SLC25A48: variants seen among roughly 807,000 people sequenced by gnomAD.
SLC25A48 encodes CTC-321K16.1.
SLC25A48 carries 29 observed loss-of-function variants against 32.2 expected under a neutral mutation model. The ratio of observed to expected loss-of-function variants is 0.90; its 90% CI spans 0.67 to 1.23. SLC25A48 has a LOEUF of 1.23. SLC25A48 is among the 50% of genes most tolerant of loss of function. The pLI is 0.00. For missense variants in SLC25A48, 399 were observed against 422.7 expected, an observed-to-expected ratio of 0.94 and a Z score of 0.49; for synonymous variants, 164 against 172.3, an observed-to-expected ratio of 0.95 and a Z score of 0.38.
intron 6 of SLC25A48, chr5:135,876,061 G>C (rs1451899871): frequency 1.3e-5 from 2 of 148,270 alleles, no homozygotes; most frequent in Non-Finnish European, 3.0e-5. Flanking sequence ...AACAAGAGCT[G>C]CTCTGACAGA....
At chr5:135,599,866 G>A (rs1751746312) in intron 1 of SLC25A48, among the ~76,000 whole-genome samples, 1 of 152,182 alleles carries the variant, frequency 6.6e-6, no homozygotes, top group Non-Finnish European at 1.5e-5. Context: ...GGATGGGGCT[G>A]CCTCCCCAGA....
intron 3 of SLC25A48, among the ~76,000 whole-genome samples, chr5:135,644,088 G>T (rs961419028): frequency 1.3e-5 from 2 of 152,116 alleles, no homozygotes; most frequent in African/African-American, 4.8e-5. Context: ...GGCCAAGGAG[G>T]TTATTCAAAT....
At chr5:135,653,183 A>C (rs1200154817) in intron 3 of SLC25A48, among the ~76,000 whole-genome samples, 1 of 152,174 alleles carries the variant, frequency 6.6e-6, no homozygotes, top group Non-Finnish European at 1.5e-5. Flanking sequence ...TTTATAAATT[A>C]CTCAGTTTCA....
intron 3 of SLC25A48, among the ~76,000 whole-genome samples, chr5:135,691,148 T>C (rs1039078137): frequency 2.0e-5 from 3 of 152,174 alleles, no homozygotes; most frequent in African/African-American, 7.2e-5. Context: ...TCAGCCCAAA[T>C]TGGCAAGAAT....
chr5:135,816,141 CCTCA>C (rs556061724), intron 4 of SLC25A48, among the ~76,000 whole-genome samples: 26 of 152,174 alleles, frequency 1.7e-4, no homozygotes, highest in Non-Finnish European at 3.5e-4. Context: ...GTAAGAACTC[CCTCA>C]CTATCACAAG....
chr5:135,604,113 C>T (rs893120278), intron 1 of SLC25A48, among the ~76,000 whole-genome samples: 5 of 152,208 alleles, frequency 3.3e-5, no homozygotes, highest in African/African-American at 1.2e-4. Flanking sequence ...TTATTATGCC[C>T]TCTGTGCAGG....
At chr5:135,836,516 A>G (rs1476225088) in intron 1 of SLC25A48, among the ~76,000 whole-genome samples, 1 of 152,218 alleles carries the variant, frequency 6.6e-6, no homozygotes, top group Non-Finnish European at 1.5e-5. Flanking sequence ...TTTCAAATGT[A>G]CAATTCAATG....
intron 3 of SLC25A48, among the ~76,000 whole-genome samples, chr5:135,748,014 C>G (rs1015485584): frequency 6.6e-6 from 1 of 152,166 alleles, no homozygotes; most frequent in Non-Finnish European, 1.5e-5. Flanking sequence ...AGTTAGATTC[C>G]AGACTGACCT....
chr5:135,859,184 A>G (rs555681156), intron 4 of SLC25A48, among the ~76,000 whole-genome samples: 1 of 152,258 alleles, frequency 6.6e-6, no homozygotes, highest in East Asian at 1.9e-4. Flanking sequence ...AGACTGGGTA[A>G]TTCATAAAGA....
At chr5:135,790,673 C>T (rs1321498103) in intron 3 of SLC25A48, among the ~76,000 whole-genome samples, 1 of 129,060 alleles carries the variant, frequency 7.7e-6, no homozygotes, top group Non-Finnish European at 1.7e-5. Context: ...TTTGTAATAT[C>T]CTCTGGTGAT....
intron 1 of SLC25A48, among the ~76,000 whole-genome samples, chr5:135,840,544 G>A (rs538438697): frequency 6.6e-6 from 1 of 152,316 alleles, no homozygotes; most frequent in Admixed American, 6.5e-5. Flanking sequence ...CAAAGAAGAT[G>A]CTGTACGCTT....
upstream of SLC25A48, among the ~76,000 whole-genome samples, chr5:135,831,738 C>T (rs143928327): frequency 4.0e-4 from 61 of 152,348 alleles, no homozygotes; most frequent in Non-Finnish European, 7.8e-4. Context: ...CTGAGCTACA[C>T]ACAACACACT....
At chr5:135,599,159 C>T (rs1250325541) in intron 1 of SLC25A48, among the ~76,000 whole-genome samples, 2 of 152,138 alleles carry the variant, frequency 1.3e-5, no homozygotes, top group Non-Finnish European at 2.9e-5. Context: ...ACCAACTCAT[C>T]CCTCAGCCCA....
chr5:135,761,919 G>T (rs73789140), intron 3 of SLC25A48, among the ~76,000 whole-genome samples: 1 of 152,152 alleles, frequency 6.6e-6, no homozygotes, highest in Non-Finnish European at 1.5e-5. Flanking sequence ...CCTGGAACCT[G>T]CCCAGATTGT....
intron 3 of SLC25A48, among the ~76,000 whole-genome samples, chr5:135,798,020 A>G (rs562707664): frequency 5.4e-4 from 82 of 152,052 alleles, no homozygotes; most frequent in Non-Finnish European, 8.4e-4. Context: ...CAGAGGGTGT[A>G]CACCCTCCCG....
chr5:135,609,924 T>C (rs1034854939), intron 1 of SLC25A48, among the ~76,000 whole-genome samples: 5 of 152,242 alleles, frequency 3.3e-5, no homozygotes, highest in African/African-American at 1.2e-4. Context: ...TAATTGCACA[T>C]CTATTTTTAC....
chr5:135,738,819 T>A (rs926545292), intron 3 of SLC25A48, among the ~76,000 whole-genome samples: 1 of 152,194 alleles, frequency 6.6e-6, no homozygotes, highest in Non-Finnish European at 1.5e-5. Flanking sequence ...CAGTGGCTCA[T>A]ATTTGTAATC....
At chr5:135,765,263 C>G (rs933192166) in intron 3 of SLC25A48, among the ~76,000 whole-genome samples, 22 of 151,228 alleles carry the variant, frequency 1.5e-4, no homozygotes, top group African/African-American at 5.1e-4. Flanking sequence ...TGTGTACACC[C>G]CCCTGTGATA....
intron 5 of SLC25A48, among the ~76,000 whole-genome samples, chr5:135,873,544 G>A (rs943135708): frequency 6.6e-6 from 1 of 152,176 alleles, no homozygotes; most frequent in Non-Finnish European, 1.5e-5. Flanking sequence ...GCTTCTCTGT[G>A]TTTAGAGTAA....
Sources: allele counts gnomAD v4.1 joint callset (sites outside exome capture counted in the v4.1 genomes callset), GRCh38; gene constraint gnomAD v4.1.1; transcripts MANE v1.5; gene names NCBI Gene and HGNC (gene_info 2026-07-23, HGNC 2026-07-21).